SOS2: variants seen among roughly 807,000 people sequenced by gnomAD.
SOS2 encodes the protein SOS Ras/Rho guanine nucleotide exchange factor 2, also known as son of sevenless homolog 2.
A neutral mutation model predicts 148.2 loss-of-function variants in SOS2; 65 were observed. The ratio of observed to expected loss-of-function variants is 0.44; its 90% CI spans 0.36 to 0.54. The LOEUF (loss-of-function observed/expected upper bound fraction) is 0.54. Among genes scored for constraint, SOS2 ranks in the 20% least tolerant of loss-of-function variants. The probability of loss-of-function intolerance (pLI) is 0.00; values close to 1 mark genes in which losing one functional copy is unlikely to be tolerated. For synonymous variants in SOS2, 539 were observed against 537.1 expected (o/e 1.00, Z -0.05); for missense variants, 1,341 against 1,590.2 (o/e 0.84, Z 2.67).
At chr14:50,189,331 C>CAAAAAAACAAAAAAA (rs1555321142) in intron 4 of SOS2, among the ~76,000 whole-genome samples, 1 of 31,486 alleles carries the variant, frequency 3.2e-5, no homozygotes. Context: ...CACATAATAG[C>CAAAAAAACAAAAAAA]AAAAAAAAAA....
intron 19 of SOS2, among the ~76,000 whole-genome samples, chr14:50,132,380 G>C (rs1594959999): frequency 1.5e-5 from 2 of 132,136 alleles, no homozygotes; most frequent in South Asian, 2.3e-4. Context: ...AAAAAAAAAG[G>C]CTGGGCATGG....
intron 7 of SOS2, among the ~76,000 whole-genome samples, chr14:50,179,044 G>T (rs1396601243): frequency 6.6e-6 from 1 of 151,596 alleles, no homozygotes; most frequent in Non-Finnish European, 1.5e-5. Flanking sequence ...CCAGCCTTCA[G>T]GTATACAGGA....
intron 4 of SOS2, among the ~76,000 whole-genome samples, chr14:50,192,759 A>T (rs1381419317): frequency 6.6e-6 from 1 of 150,392 alleles, no homozygotes; most frequent in Non-Finnish European, 1.5e-5. Flanking sequence ...AGCTACTCAG[A>T]AGGCTGAGGC....
chr14:50,142,972 C>A (rs1222209472), intron 16 of SOS2, among the ~76,000 whole-genome samples: 3 of 152,016 alleles, frequency 2.0e-5, no homozygotes, highest in Admixed American at 2.0e-4. Flanking sequence ...AAAAGTCTTT[C>A]CAGGTACAAA....
chr14:50,129,408 G>A (rs1363210741), intron 21 of SOS2, among the ~76,000 whole-genome samples: 1 of 151,988 alleles, frequency 6.6e-6, no homozygotes, highest in Non-Finnish European at 1.5e-5. Context: ...TTTTTGAGAT[G>A]GAGTCTCACT....
At position 50,174,344 on chromosome 14, in the gene SOS2, T is replaced by C. The variant is rs370698270; in HGVS notation, c.1068+110A>G. ...GTTACATATAAAAATTATTAAATACTTACATAAAATAAGAATTAAAAGACT... is the reference window on the plus strand; with the variant it reads ...GTTACATATAAAAATTATTAAATACCTACATAAAATAAGAATTAAAAGACT... On this transcript the variant is annotated intron_variant, in intron 8 of 22. Transcript: ENST00000216373. 24 of 443,782 alleles carry C rather than the reference T, an allele frequency of 5.4e-5. No homozygotes were observed. In the East Asian group the frequency reaches 7.2e-4, roughly 13 times the overall value. The allele number at this position is 443,782 out of a possible 1,614,324, so 27.5% of individuals were successfully genotyped here.
chr14:50,202,472 C>T (rs1428901903), intron 2 of SOS2, among the ~76,000 whole-genome samples: 1 of 152,148 alleles, frequency 6.6e-6, no homozygotes, highest in African/African-American at 2.4e-5. Flanking sequence ...GTGGCCCATG[C>T]CTCTAAGTCT....
intron 1 of SOS2, among the ~76,000 whole-genome samples, chr14:50,220,283 G>A (rs934023317): frequency 6.7e-6 from 1 of 150,238 alleles, no homozygotes; most frequent in Non-Finnish European, 1.5e-5. Context: ...GCGGGCGCCT[G>A]TAGTCCCAGC....
intron 7 of SOS2, among the ~76,000 whole-genome samples, chr14:50,176,139 T>C (rs1229148262): frequency 1.3e-5 from 2 of 152,186 alleles, no homozygotes; most frequent in Non-Finnish European, 2.9e-5. Flanking sequence ...TAAGGGAGCT[T>C]GTTTGTGCTA....
chr14:50,230,316 G>T (rs905198924), intron 1 of SOS2, among the ~76,000 whole-genome samples: 2 of 152,058 alleles, frequency 1.3e-5, no homozygotes, highest in Non-Finnish European at 2.9e-5. Flanking sequence ...CTGCATTAAC[G>T]GCAAAGAAAG....
intron 8 of SOS2, among the ~76,000 whole-genome samples, chr14:50,170,451 T>G (rs996978688): frequency 2.0e-5 from 3 of 151,952 alleles, no homozygotes; most frequent in African/African-American, 7.3e-5. Flanking sequence ...TTTGGAAAAC[T>G]GAGGCAGGCA....
At chr14:50,167,544 A>C (rs1372751017) in intron 8 of SOS2, among the ~76,000 whole-genome samples, 2 of 151,816 alleles carry the variant, frequency 1.3e-5, no homozygotes, top group Non-Finnish European at 2.9e-5. Flanking sequence ...TAAAAAAAAC[A>C]GGAATGATAA....
chr14:50,158,184 C>T (rs113042047), intron 11 of SOS2, among the ~76,000 whole-genome samples: 1 of 150,870 alleles, frequency 6.6e-6, no homozygotes, highest in Non-Finnish European at 1.5e-5. Context: ...GTTTTCATAA[C>T]AAGTTTGTTT....
At chr14:50,119,803 C>A (rs61141136) in intron 22 of SOS2, among the ~76,000 whole-genome samples, 1 of 68,498 alleles carries the variant, frequency 1.5e-5, no homozygotes, top group African/African-American at 6.3e-5. Flanking sequence ...CCCAACCAGC[C>A]TTTTTTTTTT....
rs113924154 is a variant in SOS2, at chr14:50,128,951, T to C, written c.3379+1010A>G. 9.1e-3 allele frequency among the ~76,000 whole-genome samples: 1,390 copies of C among 152,174 alleles called. 19 individuals are homozygous for C. Among genetic ancestry groups the C allele is most frequent in the African/African-American group, 0.032 (1,325 of 41,504 alleles). On this transcript the variant is annotated intron_variant, in intron 21 of 22. Transcript: ENST00000216373. ...AAATTTTTTAACCTAAAATATAAAA[T>C]TAAACATTTAAAAGACTAAGCTTAT...
At chr14:50,166,678 A>T (rs1168945983) in intron 8 of SOS2, among the ~76,000 whole-genome samples, 1 of 152,192 alleles carries the variant, frequency 6.6e-6, no homozygotes, top group Non-Finnish European at 1.5e-5. Flanking sequence ...GAATTCACTG[A>T]AATATTTACC....
Position 50,147,042 on chromosome 14 carries a change from C to CAA in SOS2, c.2385-1448_2385-1447dup, listed in dbSNP as rs71118846. 6.1e-4 allele frequency among the ~76,000 whole-genome samples: 89 copies of CAA among 145,826 alleles called. No individual in the cohort carries two copies. The Middle Eastern group carries it at 0.01, about 17-fold the overall frequency. On this transcript the variant is annotated intron_variant, in intron 14 of 22. Coordinates refer to ENST00000216373, the MANE Select transcript of SOS2 (RefSeq NM_006939.4). ...GAGATCCTATCTCAAAAAAATAAAACAAAAAAAAAAACAGGCACAGTAGTT... is the reference window on the plus strand; with the variant it reads ...GAGATCCTATCTCAAAAAAATAAAACAAAAAAAAAAAAACAGGCACAGTAGTT...
chr14:50,202,228 T>C (rs1353991282), intron 2 of SOS2, among the ~76,000 whole-genome samples: 2 of 152,216 alleles, frequency 1.3e-5, no homozygotes, highest in African/African-American at 4.8e-5. Flanking sequence ...CTTCCCAAAG[T>C]GCTGGGATTA....
Position 50,230,511 on chromosome 14 carries a change from G to C in SOS2, c.87+686C>G, listed in dbSNP as rs539946896. Among the ~76,000 whole-genome samples the C allele has an allele frequency of 2.0e-5, 3 of 152,312 alleles. No homozygotes were observed. In the East Asian group the frequency reaches 5.8e-4, roughly 29 times the overall value. ...GCAATGCACCCAAACATGAAAGACTGATTTGCAGGAGTTGCCCCTTTCTTG... is the reference window on the plus strand; with the variant it reads ...GCAATGCACCCAAACATGAAAGACTCATTTGCAGGAGTTGCCCCTTTCTTG... On this transcript the variant is annotated intron_variant, in intron 1 of 22. Coordinates refer to ENST00000216373, the MANE Select transcript of SOS2 (RefSeq NM_006939.4).
Sources: gnomAD v4.1 joint callset for allele counts (sites outside exome capture counted in the v4.1 genomes callset) on GRCh38, gnomAD v4.1.1 for gene constraint, MANE v1.5 for transcripts, NCBI Gene and HGNC (gene_info 2026-07-23, HGNC 2026-07-21) for gene names.